Variants in TG observed in about 807,000 individuals in gnomAD.
The protein encoded by TG is thyroid hormones.
In TG, 270 loss-of-function variants were observed where a neutral mutation model predicts 324.7. The observed-to-expected ratio is 0.83, with a 90% CI of 0.75 to 0.92. TG has a LOEUF of 0.92. TG is among the 40% of genes least tolerant of loss of function. TG has a pLI of 0.00. For missense variants in TG, 3,591 were observed against 3,456.4 expected (o/e 1.04, Z -0.98); for synonymous variants, 1,401 against 1,327.0 (o/e 1.06, Z -1.21).
At chr8:133,040,811 CAAAGAT>C (rs1838076384) in intron 41 of TG, among the ~76,000 whole-genome samples, 1 of 152,042 alleles carries the variant, frequency 6.6e-6, no homozygotes, top group Admixed American at 6.6e-5. Flanking sequence ...GAAGAGAAAA[CAAAGAT>C]AAAGAGGGCA....
chr8:132,973,915 A>G (rs964682939), intron 34 of TG, among the ~76,000 whole-genome samples: 2 of 151,722 alleles, frequency 1.3e-5, no homozygotes, highest in African/African-American at 4.8e-5. Flanking sequence ...CACTTGCCCT[A>G]GAAAATAGAG....
chr8:133,095,404 A>G (rs575564171), intron 42 of TG, among the ~76,000 whole-genome samples, 196 bp downstream of exon 42: 72 of 152,340 alleles, frequency 4.7e-4, no homozygotes, highest in African/African-American at 1.6e-3. Context: ...AAACATGGGC[A>G]CTGAGGGTAG....
intron 41 of TG, among the ~76,000 whole-genome samples, chr8:133,077,925 A>G (rs1040372718): frequency 1.3e-5 from 2 of 152,006 alleles, no homozygotes; most frequent in African/African-American, 4.8e-5. Context: ...AATGTGCCCT[A>G]GGGAGCAAAA....
intron 41 of TG, chr8:133,047,961 A>T (rs1839767420): frequency 7.1e-7 from 1 of 1,415,096 alleles, no homozygotes; most frequent in African/African-American, 1.4e-5. Flanking sequence ...AGCCATTAGG[A>T]TCCGGAACAA....
At chr8:133,018,872 C>T (rs1835303004) in intron 38 of TG, among the ~76,000 whole-genome samples, 1 of 152,062 alleles carries the variant, frequency 6.6e-6, no homozygotes, top group South Asian at 2.1e-4. Flanking sequence ...TAAAGTACTC[C>T]AGGAAAAGGG....
intron 43 of TG, among the ~76,000 whole-genome samples, chr8:133,111,566 ATT>A (rs1007435548): frequency 6.6e-6 from 1 of 152,180 alleles, no homozygotes; most frequent in African/African-American, 2.4e-5. Context: ...GTAGGTGAGT[ATT>A]TTTTGAACAG....
chr8:132,999,226 G>A (rs1315443174), intron 35 of TG, among the ~76,000 whole-genome samples: 7 of 152,130 alleles, frequency 4.6e-5, no homozygotes, highest in Non-Finnish European at 1.0e-4. Context: ...GGCCAAGATG[G>A]TGCAGAGAGG....
At chr8:132,977,644 A>C (rs1372305566) in intron 34 of TG, among the ~76,000 whole-genome samples, 1 of 152,210 alleles carries the variant, frequency 6.6e-6, no homozygotes, top group Admixed American at 6.5e-5. Flanking sequence ...GAAATTGTGC[A>C]GGGAAACTCC....
intron 18 of TG, among the ~76,000 whole-genome samples, chr8:132,909,695 C>G (rs746293081): frequency 5.1e-4 from 78 of 152,322 alleles, no homozygotes; most frequent in Non-Finnish European, 9.8e-4. Flanking sequence ...GGGCCTTTCC[C>G]AGGCTTGGTA....
rs752741367 is a variant in TG at position 132,882,556 on chromosome 8, G to A, written c.833G>A (p.Arg278Gln). 1.1e-5 allele frequency: 18 copies of A among 1,614,060 alleles called. No individual in the cohort carries two copies. The highest frequency in any genetic ancestry group is 9.3e-5 in the African/African-American group (7 of 74,922). The change falls in exon 7 of 48, where the codon CGG (arginine) becomes CAG (glutamine). Residue 278 changes from arginine to glutamine, a missense_variant. Physicochemically the swap from Arg to Gln is conservative, Grantham distance 43. Coordinates refer to ENST00000220616, the MANE Select transcript of TG (RefSeq NM_003235.5). The part of the protein sequence containing the change: ...PSTFTETTLY[R>Q]ILQRRFLAVQ... ...ACCTTCACTGAAACCACCCTGTACC[G>A]GATACTGCAGAGACGGTTCCTCGCA... is the stretch of plus-strand genomic sequence containing the variant.
chr8:133,115,055 G>A (rs1850563942), intron 44 of TG, among the ~76,000 whole-genome samples: 1 of 152,234 alleles, frequency 6.6e-6, no homozygotes, highest in South Asian at 2.1e-4. Context: ...CCCTGACCCT[G>A]AGAGGCTTAT....
chr8:132,935,897 C>A lies in TG; in HGVS notation c.5041+33C>A, dbSNP rs200421152. On this transcript the variant is annotated intron_variant, in intron 25 of 47. Transcript: ENST00000220616. Reference sequence around the variant, plus strand: ...GGTCAGGCTGGTTGGCTTAGGCCCGCGGTGGCTTCACACGGTCATGTTTGG... The same window carrying A: ...GGTCAGGCTGGTTGGCTTAGGCCCGAGGTGGCTTCACACGGTCATGTTTGG... 3.8e-4 allele frequency: 593 copies of A among 1,563,066 alleles called. 1 individual carries two copies. The African/African-American group carries it at 7.3e-3, about 19-fold the overall frequency.
Position 132,933,548 on chromosome 8 carries a change from A to G in TG, c.4817-13A>G, listed in dbSNP as rs751568735. ...GGAAAGCCAGGTGAGTGACCGTCCCATGGTGCTTGCAGATTGCACAGAGGA... is the reference window on the plus strand; with the variant it reads ...GGAAAGCCAGGTGAGTGACCGTCCCGTGGTGCTTGCAGATTGCACAGAGGA... On this transcript the variant is annotated splice_polypyrimidine_tract_variant and intron_variant, in intron 23 of 47. Transcript: ENST00000220616. The G allele has an allele frequency of 1.2e-6, 2 of 1,613,038 alleles. No individual in the cohort carries two copies. The highest frequency in any genetic ancestry group is 1.7e-6 in the Non-Finnish European group (2 of 1,179,166).
At chr8:132,992,573 A>G (rs1832470581) in intron 35 of TG, among the ~76,000 whole-genome samples, 1 of 152,134 alleles carries the variant, frequency 6.6e-6, no homozygotes, top group Non-Finnish European at 1.5e-5. Context: ...CCACCCTCAG[A>G]TGTGTCCCAC....
chr8:133,113,647 T>G, intron 44 of TG, 44 bp downstream of exon 44: 1 of 1,601,000 alleles, frequency 6.2e-7, no homozygotes, highest in Non-Finnish European at 8.5e-7. Context: ...CTGCTATGTT[T>G]TGGAGCAGAC....
At chr8:133,099,992 C>G (rs927674748) in intron 43 of TG, among the ~76,000 whole-genome samples, 18 of 152,190 alleles carry the variant, frequency 1.2e-4, no homozygotes, top group African/African-American at 4.1e-4. Context: ...CTGCTCCAAG[C>G]CTTCTCTCCA....
chr8:132,964,504 A>G, intron 29 of TG: 1 of 174,358 alleles, frequency 5.7e-6, no homozygotes, highest in South Asian at 1.6e-4. Flanking sequence ...GGCCTCTCTG[A>G]TTCAGAGGAC....
intron 35 of TG, among the ~76,000 whole-genome samples, chr8:132,993,599 A>AC (rs1368164624): frequency 2.0e-5 from 3 of 152,124 alleles, no homozygotes; most frequent in Non-Finnish European, 2.9e-5. Flanking sequence ...TGTAAATGTT[A>AC]CCCCTGCAGT....
chr8:132,964,259 C>A (rs1324370075), intron 29 of TG, among the ~76,000 whole-genome samples: 1 of 152,072 alleles, frequency 6.6e-6, no homozygotes, highest in Admixed American at 6.6e-5. Flanking sequence ...GCTCCCCCTG[C>A]CCCCTGCTTT....
Sources: gnomAD v4.1 joint callset for allele counts (sites outside exome capture counted in the v4.1 genomes callset) on GRCh38, gnomAD v4.1.1 for gene constraint, MANE v1.5 for transcripts, NCBI Gene and HGNC (gene_info 2026-07-23, HGNC 2026-07-21) for gene names.